CDKAL1: variants seen among roughly 807,000 people sequenced by gnomAD.
CDKAL1 encodes the protein threonylcarbamoyladenosine tRNA methylthiotransferase.
CDKAL1 carries 32 observed loss-of-function variants against 68.2 expected under a neutral mutation model. That is an observed-to-expected ratio of 0.47 (90% CI 0.35 to 0.63). The LOEUF is 0.63. Among genes scored for constraint, CDKAL1 ranks in the 30% least tolerant of loss-of-function variants. The probability of loss-of-function intolerance (pLI) is 0.00; values close to 1 mark genes in which losing one functional copy is unlikely to be tolerated. For synonymous variants in CDKAL1, 234 were observed against 244.3 expected (o/e 0.96, Z 0.39); for missense variants, 606 against 696.7 (o/e 0.87, Z 1.47).
intron 13 of CDKAL1, among the ~76,000 whole-genome samples, chr6:21,187,937 A>G (rs1778079175): frequency 6.6e-6 from 1 of 152,050 alleles, no homozygotes; most frequent in Non-Finnish European, 1.5e-5. Context: ...ATTTTTGCCC[A>G]TTTGTGAAAA....
chr6:20,551,253 A>C (rs1181318776), intron 4 of CDKAL1, among the ~76,000 whole-genome samples: 1 of 152,110 alleles, frequency 6.6e-6, no homozygotes, highest in Non-Finnish European at 1.5e-5. Context: ...TCTGTACCTC[A>C]TGGCTGCCTT....
At chr6:21,195,473 TTTTTTTTATTTATTTATTTATTTA>T (rs1162077063) in intron 13 of CDKAL1, among the ~76,000 whole-genome samples, 6 of 118,084 alleles carry the variant, frequency 5.1e-5, no homozygotes, top group African/African-American at 9.4e-5. Context: ...TCTGGAGATG[TTTTTTTTATTTATTTATTTATTTA>T]TTTATTTATT....
At chr6:20,659,275 A>AT (rs1216285261) in intron 5 of CDKAL1, among the ~76,000 whole-genome samples, 4 of 152,132 alleles carry the variant, frequency 2.6e-5, no homozygotes, top group Non-Finnish European at 2.9e-5. Context: ...TAGTTTGTTG[A>AT]TTTTTTGTTA....
intron 11 of CDKAL1, among the ~76,000 whole-genome samples, chr6:21,035,015 T>A (rs115555187): frequency 0.016 from 2,383 of 152,202 alleles, 62 homozygotes; most frequent in African/African-American, 0.055. Flanking sequence ...GAAGAGATAA[T>A]TTTTTTCCTG....
At chr6:21,007,207 G>C (rs1767772294) in intron 11 of CDKAL1, among the ~76,000 whole-genome samples, 1 of 152,078 alleles carries the variant, frequency 6.6e-6, no homozygotes, top group South Asian at 2.1e-4. Context: ...CAGAGGCTGA[G>C]GCAGACAGAT....
chr6:21,044,578 A>C (rs1369177881), intron 11 of CDKAL1, among the ~76,000 whole-genome samples: 3 of 152,198 alleles, frequency 2.0e-5, no homozygotes, highest in South Asian at 2.1e-4. Context: ...CATTATTGTT[A>C]ATTTTTATAA....
At chr6:21,016,606 TTCCATTCATCCATCCA>T (rs1768349338) in intron 11 of CDKAL1, among the ~76,000 whole-genome samples, 1 of 144,808 alleles carries the variant, frequency 6.9e-6, no homozygotes, top group Non-Finnish European at 1.5e-5. Flanking sequence ...TCCCCACGCC[TTCCATTCATCCATCCA>T]TCCATCCATC....
intron 11 of CDKAL1, among the ~76,000 whole-genome samples, chr6:21,026,282 A>G (rs753301015): frequency 2.0e-5 from 3 of 152,120 alleles, no homozygotes; most frequent in Non-Finnish European, 4.4e-5. Context: ...GATATTTTGT[A>G]TATCTTTATA....
intron 8 of CDKAL1, 68 bp from the exon 9 acceptor site, chr6:20,846,007 G>T: frequency 1.1e-6 from 1 of 919,088 alleles, no homozygotes; most frequent in Admixed American, 2.1e-5. Flanking sequence ...ATGTTTTGAG[G>T]TATCCCCATG....
chr6:21,040,259 A>G (rs1165827401), intron 11 of CDKAL1, among the ~76,000 whole-genome samples: 8 of 152,150 alleles, frequency 5.3e-5, no homozygotes, highest in Admixed American at 5.2e-4. Flanking sequence ...TACACAACAG[A>G]TGGTATTTAT....
intron 4 of CDKAL1, among the ~76,000 whole-genome samples, chr6:20,644,902 G>A (rs544067887): frequency 3.9e-5 from 6 of 152,192 alleles, no homozygotes; most frequent in Admixed American, 2.0e-4. Flanking sequence ...GTTATCATGC[G>A]AACATCATCA....
At chr6:21,026,622 T>C (rs536045100) in intron 11 of CDKAL1, among the ~76,000 whole-genome samples, 1 of 152,178 alleles carries the variant, frequency 6.6e-6, no homozygotes, top group African/African-American at 2.4e-5. Flanking sequence ...CTGAGTCACA[T>C]TCAGGAGGGC....
At chr6:20,980,875 G>A (rs913443855) in intron 10 of CDKAL1, among the ~76,000 whole-genome samples, 2 of 152,156 alleles carry the variant, frequency 1.3e-5, no homozygotes, top group Non-Finnish European at 2.9e-5. Flanking sequence ...TCTCACCGCC[G>A]CTTTGTTCCC....
intron 11 of CDKAL1, among the ~76,000 whole-genome samples, chr6:21,028,572 C>G (rs1230204251): frequency 1.3e-5 from 2 of 152,034 alleles, no homozygotes; most frequent in African/African-American, 4.8e-5. Flanking sequence ...TCTTCCTTTC[C>G]CTATAAGGAC....
At chr6:20,810,830 C>T (rs1776785021) in intron 8 of CDKAL1, among the ~76,000 whole-genome samples, 2 of 151,942 alleles carry the variant, frequency 1.3e-5, no homozygotes, top group Admixed American at 1.3e-4. Context: ...TGCTCTTGTT[C>T]ATTCGCCCTC....
chr6:21,196,858 T>C (rs1010774019), intron 13 of CDKAL1, among the ~76,000 whole-genome samples: 2 of 151,960 alleles, frequency 1.3e-5, no homozygotes, highest in African/African-American at 4.8e-5. Context: ...TTGACAACCT[T>C]GTAAAAAGAG....
At chr6:21,195,700 G>A (rs1421472782) in intron 13 of CDKAL1, among the ~76,000 whole-genome samples, 2 of 151,206 alleles carry the variant, frequency 1.3e-5, no homozygotes, top group Admixed American at 1.3e-4. Context: ...TTATAGAGAC[G>A]GGGTTTTGCC....
chr6:21,140,908 T>G (rs746149866), intron 13 of CDKAL1, among the ~76,000 whole-genome samples: 6 of 152,110 alleles, frequency 3.9e-5, no homozygotes, highest in Non-Finnish European at 7.4e-5. Context: ...AGGCACTTCT[T>G]ACATGGCGGC....
rs187202695 is a variant in CDKAL1 at position 21,111,806 on chromosome 6, T to C, written c.1299+3343T>C. Among the ~76,000 whole-genome samples, 822 of 152,334 alleles carry C rather than the reference T, an allele frequency of 5.4e-3. 4 individuals are homozygous for C. Among genetic ancestry groups the C allele is most frequent in the Non-Finnish European group, 8.8e-3 (600 of 68,032 alleles). ...CTTAAATTGTTTTCAGGAATTCTTA[T>C]AATAAATAAAGACTCATACAAAAGG... On this transcript the variant is annotated intron_variant, in intron 13 of 15. Coordinates refer to ENST00000274695, the MANE Select transcript of CDKAL1 (RefSeq NM_017774.3).
Sources: allele counts gnomAD v4.1 joint callset (sites outside exome capture counted in the v4.1 genomes callset), GRCh38; gene constraint gnomAD v4.1.1; transcripts MANE v1.5; gene names NCBI Gene and HGNC (gene_info 2026-07-23, HGNC 2026-07-21).